The following KRTAP4-8 variants were observed in gnomAD, a reference collection of about 807,000 sequenced individuals.
KRTAP4-8 encodes the protein keratin associated protein 4-8, also known as keratin-associated protein 4-8.
For synonymous variants in KRTAP4-8, 66 were observed against 86.6 expected, an observed-to-expected ratio of 0.76 and a Z score of 1.32; for missense variants, 188 against 237.4, an observed-to-expected ratio of 0.79 and a Z score of 1.37.
Position 41,098,105 on chromosome 17 carries a change from C to A in KRTAP4-8, c.-21G>T, listed in dbSNP as rs924671164. 30 of 1,576,154 alleles carry A rather than the reference C, an allele frequency of 1.9e-5. No homozygotes were observed. The highest frequency in any genetic ancestry group is 2.5e-5 in the Non-Finnish European group (29 of 1,159,602). ...ACCATGGTGTCAGAGGGTGAAGGAT[C>A]TATTTGGGTTTCCAAGAGAGTAAAG... On this transcript the variant is annotated 5_prime_UTR_variant, in exon 1 of 1. Coordinates refer to ENST00000333822, the MANE Select transcript of KRTAP4-8 (RefSeq NM_031960.3).
At position 41,097,393 on chromosome 17, in the gene KRTAP4-8, G is replaced by T; in HGVS notation, c.*134C>A. Reference sequence around the variant, plus strand: ...TCACAGAGTCAGCGGGATGGTGATGGGCTCATTGGATACATGAGGTCCACC... The same window carrying T: ...TCACAGAGTCAGCGGGATGGTGATGTGCTCATTGGATACATGAGGTCCACC... On this transcript the variant is annotated 3_prime_UTR_variant, in exon 1 of 1. Transcript: ENST00000333822. 7.6e-7 allele frequency: 1 copy of T among 1,318,730 alleles called. No homozygotes were observed. Among genetic ancestry groups the T allele is most frequent in the Non-Finnish European group, 1.0e-6 (1 of 975,280 alleles). 81.7% of individuals were successfully genotyped at this position (1,318,730 alleles called of 1,614,324 possible).
chr17:41,097,500 A>G lies in KRTAP4-8; in HGVS notation c.*27T>C, dbSNP rs1475787594. The stretch of plus-strand genomic sequence containing the variant: ...GTCTACATTTGTGGACCAGCGGTGA[A>G]GGGAGAGATGAGCCAGGGCAGTGGG... On this transcript the variant is annotated 3_prime_UTR_variant, in exon 1 of 1. Coordinates refer to ENST00000333822, the MANE Select transcript of KRTAP4-8 (RefSeq NM_031960.3). The G allele has an allele frequency of 1.3e-6, 2 of 1,551,122 alleles. No individual in the cohort carries two copies. The highest frequency in any genetic ancestry group is 1.4e-5 in the African/African-American group (1 of 73,208).
In KRTAP4-8 at chr17:41,097,228, C is replaced by G. The variant is rs187119571; in HGVS notation, c.*299G>C. On this transcript the variant is annotated 3_prime_UTR_variant, in exon 1 of 1. Coordinates refer to ENST00000333822, the MANE Select transcript of KRTAP4-8 (RefSeq NM_031960.3). ...AATTGGGAAGGATATTCTGTAGGCT[C>G]AAAATGATTTTAAAAAATGAGGAAT... 149 of 532,072 alleles carry G rather than the reference C, an allele frequency of 2.8e-4. No homozygotes were observed. The highest frequency in any genetic ancestry group is 2.6e-3 in the African/African-American group (138 of 52,548). The allele number at this position is 532,072 out of a possible 1,614,324, so 33.0% of individuals were successfully genotyped here.
In KRTAP4-8 at chr17:41,098,008, C is replaced by T. The variant is rs1345062381; in HGVS notation, c.77G>A (p.Cys26Tyr). Residue 26 changes from cysteine to tyrosine, a missense_variant, in exon 1 of 1, where the codon TGC (cysteine) becomes TAC (tyrosine). Physicochemically the swap from Cys to Tyr is radical, Grantham distance 194 (BLOSUM62 -2). Coordinates refer to ENST00000333822, the MANE Select transcript of KRTAP4-8 (RefSeq NM_031960.3). ...GQDLCQETCC[C>Y]PSCCQTTCCR... is the part of the protein sequence containing the mutation. The stretch of plus-strand genomic sequence containing the variant: ...GCAGGTGGTCTGACAGCAGCTGGGG[C>T]AGCAGCAGGTCTCCTGGCAGAGGTC... 3 of 1,613,918 alleles carry T rather than the reference C, an allele frequency of 1.9e-6. No homozygotes were observed. In the African/African-American group the frequency reaches 4.0e-5, roughly 22 times the overall value.
chr17:41,097,634 G>T lies in KRTAP4-8; in HGVS notation c.451C>A (p.Leu151Met), dbSNP rs78550130. 4 of 1,557,280 alleles carry T rather than the reference G, an allele frequency of 2.6e-6. No individual in the cohort carries two copies. Among genetic ancestry groups the T allele is most frequent in the Non-Finnish European group, 1.7e-6 (2 of 1,155,806 alleles). Residue 151 changes from leucine (L) to methionine (M), a missense_variant, in exon 1 of 1, where the codon CTG (leucine) becomes ATG (methionine). By Grantham distance (15) the Leu-to-Met change is conservative. Coordinates refer to ENST00000333822, the MANE Select transcript of KRTAP4-8 (RefSeq NM_031960.3). ...GAGACTCGGCCACAGACTGGACGCAGGCAGCAGCAGGGGCGGCAGCAGCTG... is the reference window on the plus strand; with the variant it reads ...GAGACTCGGCCACAGACTGGACGCATGCAGCAGCAGGGGCGGCAGCAGCTG... ...ESSCCRPCCC[L>M]RPVCGRVSCH...
Position 41,097,990 on chromosome 17 carries a change from G to A in KRTAP4-8, c.95C>T (p.Thr32Ile). The A allele has an allele frequency of 6.2e-7, 1 of 1,613,978 alleles. No individual in the cohort carries two copies. The highest frequency in any genetic ancestry group is 8.5e-7 in the Non-Finnish European group (1 of 1,179,880). ...GTAGCAGGTGGTCCTGCAGCAGGTG[G>A]TCTGACAGCAGCTGGGGCAGCAGCA... The part of the protein sequence containing the change: ...ETCCCPSCCQ[T>I]TCCRTTCYRP... Residue 32 changes from threonine (T) to isoleucine (I), a missense_variant, in exon 1 of 1, where the codon ACC becomes ATC. By Grantham distance (89) the Thr-to-Ile change is moderately conservative. Transcript: ENST00000333822.
In KRTAP4-8 at chr17:41,097,649, G is replaced by A. The variant is rs750261657; in HGVS notation, c.436C>T (p.Arg146Cys). The change falls in exon 1 of 1, where the codon CGC becomes TGC. Residue 146 changes from arginine to cysteine, a missense_variant. Coordinates refer to ENST00000333822, the MANE Select transcript of KRTAP4-8 (RefSeq NM_031960.3). The stretch of plus-strand genomic sequence containing the variant: ...ACTGGACGCAGGCAGCAGCAGGGGC[G>A]GCAGCAGCTGGATTCACAGCAAGAG... ...RPSCCESSCC[R>C]PCCCLRPVCG... 1.1e-5 allele frequency: 17 copies of A among 1,587,764 alleles called. No homozygotes were observed. The South Asian group carries it at 1.1e-4, about 11-fold the overall frequency.
In KRTAP4-8 at chr17:41,098,138, G is replaced by C; in HGVS notation, c.-54C>G. On this transcript the variant is annotated 5_prime_UTR_variant, in exon 1 of 1. Coordinates refer to ENST00000333822, the MANE Select transcript of KRTAP4-8 (RefSeq NM_031960.3). ...GTTTCCAAGAGAGTAAAGTTCTTGA[G>C]TTTGGAAGTTTCCTGGGTCCATAGC... 1 of 1,521,216 alleles carries C rather than the reference G, an allele frequency of 6.6e-7. No homozygotes were observed. Among genetic ancestry groups the C allele is most frequent in the Non-Finnish European group, 8.8e-7 (1 of 1,131,200 alleles). The allele number at this position is 1,521,216 out of a possible 1,614,324, so 94.2% of individuals were successfully genotyped here. A position where few individuals can be genotyped will look rare whatever the true frequency, so the allele number is the denominator to read the frequency against.
Position 41,097,821 on chromosome 17 carries a change from G to T in KRTAP4-8, c.264C>A (p.Thr88=). The change falls in exon 1 of 1, where the codon ACC becomes ACA. Residue 88 remains threonine, a synonymous_variant. Transcript: ENST00000333822. ...AGATGCAGCAGCTAGGGTGGCAGCAGGTGGGCTGGCAGCACACAGACTGGC... is the reference window on the plus strand; with the variant it reads ...AGATGCAGCAGCTAGGGTGGCAGCATGTGGGCTGGCAGCACACAGACTGGC... The part of the protein sequence containing the change: ...QCCQSVCCQP[T]CCHPSCCISS... 1 of 1,603,980 alleles carries T rather than the reference G, an allele frequency of 6.2e-7. No homozygotes were observed. The highest frequency in any genetic ancestry group is 8.5e-7 in the Non-Finnish European group (1 of 1,175,224).
In KRTAP4-8 at chr17:41,097,996, C is replaced by G. The variant is rs760958029; in HGVS notation, c.89G>C (p.Cys30Ser). 1.9e-6 allele frequency: 3 copies of G among 1,613,924 alleles called. No individual in the cohort carries two copies. Among genetic ancestry groups the G allele is most frequent in the Non-Finnish European group, 2.5e-6 (3 of 1,179,972 alleles). The change falls in exon 1 of 1, where the codon TGT becomes TCT. Residue 30 changes from cysteine (C) to serine (S), a missense_variant. Transcript: ENST00000333822. ...CQETCCCPSC[C>S]QTTCCRTTCY... ...GGTGGTCCTGCAGCAGGTGGTCTGACAGCAGCTGGGGCAGCAGCAGGTCTC... is the reference window on the plus strand; with the variant it reads ...GGTGGTCCTGCAGCAGGTGGTCTGAGAGCAGCTGGGGCAGCAGCAGGTCTC...
rs1468324580 is a variant in KRTAP4-8 at position 41,097,852 on chromosome 17, T to C, written c.233A>G (p.Gln78Arg). 3 of 1,407,646 alleles carry C rather than the reference T, an allele frequency of 2.1e-6. No individual in the cohort carries two copies. Among genetic ancestry groups the C allele is most frequent in the African/African-American group, 2.0e-5 (1 of 50,932 alleles). 87.2% of individuals were successfully genotyped at this position (1,407,646 alleles called of 1,614,324 possible). A position where few individuals can be genotyped will look rare whatever the true frequency, so the allele number is the denominator to read the frequency against. Residue 78 changes from glutamine to arginine, a missense_variant, in exon 1 of 1, where the codon CAG becomes CGG. Physicochemically the swap from Gln to Arg is conservative, Grantham distance 43 (BLOSUM62 1). Transcript: ENST00000333822. ...CTGGCAGCACACAGACTGGCAGCACTGGGGCTTGCAGCAGCTGGACACACA... is the reference window on the plus strand; with the variant it reads ...CTGGCAGCACACAGACTGGCAGCACCGGGGCTTGCAGCAGCTGGACACACA... ...SCCVSSCCKP[Q>R]CCQSVCCQPT...
In KRTAP4-8 at chr17:41,097,435, A is replaced by G. The variant is rs1457229570; in HGVS notation, c.*92T>C. On this transcript the variant is annotated 3_prime_UTR_variant, in exon 1 of 1. Coordinates refer to ENST00000333822, the MANE Select transcript of KRTAP4-8 (RefSeq NM_031960.3). ...AGGTCCACCCTGCTGAATGACATAAATCCCACTCCATGTGTCCTAATATTC... is the reference window on the plus strand; with the variant it reads ...AGGTCCACCCTGCTGAATGACATAAGTCCCACTCCATGTGTCCTAATATTC... 4.7e-6 allele frequency: 7 copies of G among 1,483,414 alleles called. No homozygotes were observed. The highest frequency in any genetic ancestry group is 2.7e-5 in the South Asian group (2 of 73,048). 91.9% of individuals were successfully genotyped at this position (1,483,414 alleles called of 1,614,324 possible).
In KRTAP4-8 at chr17:41,097,692, G is replaced by A. The variant is rs908199007; in HGVS notation, c.393C>T (p.Ile131=). 3 of 1,585,388 alleles carry A rather than the reference G, an allele frequency of 1.9e-6. No homozygotes were observed. In the African/African-American group the frequency reaches 4.1e-5, roughly 21 times the overall value. The part of the protein sequence containing the change: ...QPNCCRPSCS[I]SSCCRPSCCE... ...AGCAAGAGGGGCGGCAGCAGCTGGA[G>A]ATGCTGCAGCTGGGGCGGCAGCAGT... is the stretch of plus-strand genomic sequence containing the variant. Residue 131 remains isoleucine, a synonymous_variant, in exon 1 of 1, where the codon ATC becomes ATT. Transcript: ENST00000333822.
In KRTAP4-8 at chr17:41,098,130, G is replaced by T; in HGVS notation, c.-46C>A. 3 of 1,535,946 alleles carry T rather than the reference G, an allele frequency of 2.0e-6. No homozygotes were observed. Among genetic ancestry groups the T allele is most frequent in the African/African-American group, 1.4e-5 (1 of 73,132 alleles). On this transcript the variant is annotated 5_prime_UTR_variant, in exon 1 of 1. Coordinates refer to ENST00000333822, the MANE Select transcript of KRTAP4-8 (RefSeq NM_031960.3). The stretch of plus-strand genomic sequence containing the variant: ...CTATTTGGGTTTCCAAGAGAGTAAA[G>T]TTCTTGAGTTTGGAAGTTTCCTGGG...
chr17:41,097,806 G>C lies in KRTAP4-8; in HGVS notation c.279C>G (p.Ser93Arg), dbSNP rs746215751. Residue 93 changes from serine (S) to arginine (R), a missense_variant, in exon 1 of 1, where the codon AGC becomes AGG. Coordinates refer to ENST00000333822, the MANE Select transcript of KRTAP4-8 (RefSeq NM_031960.3). ...VCCQPTCCHP[S>R]CCISSCCRPS... Reference sequence around the variant, plus strand: ...GGCGGCAGCAGCTGGAGATGCAGCAGCTAGGGTGGCAGCAGGTGGGCTGGC... The same window carrying C: ...GGCGGCAGCAGCTGGAGATGCAGCACCTAGGGTGGCAGCAGGTGGGCTGGC... 4.4e-6 allele frequency: 7 copies of C among 1,600,922 alleles called. No individual in the cohort carries two copies. The highest frequency in any genetic ancestry group is 5.1e-6 in the Non-Finnish European group (6 of 1,173,056).
At position 41,097,810 on chromosome 17, in the gene KRTAP4-8, G is replaced by A. The variant is rs550236938; in HGVS notation, c.275C>T (p.Pro92Leu). ...GCAGCAGCTGGAGATGCAGCAGCTA[G>A]GGTGGCAGCAGGTGGGCTGGCAGCA... is the stretch of plus-strand genomic sequence containing the variant. ...SVCCQPTCCH[P>L]SCCISSCCRP... Residue 92 changes from proline to leucine, a missense_variant, in exon 1 of 1, where the codon CCT (proline) becomes CTT (leucine). Physicochemically the swap from Pro to Leu is moderately conservative, Grantham distance 98. Coordinates refer to ENST00000333822, the MANE Select transcript of KRTAP4-8 (RefSeq NM_031960.3). 6 of 1,612,534 alleles carry A rather than the reference G, an allele frequency of 3.7e-6. No homozygotes were observed. In the African/African-American group the frequency reaches 6.7e-5, roughly 18 times the overall value.
rs781455158 is a variant in KRTAP4-8, at chr17:41,097,861, C to A, written c.224G>T (p.Cys75Phe). ...CACAGACTGGCAGCACTGGGGCTTG[C>A]AGCAGCTGGACACACAGCAGCTGGG... Reference protein sequence around the residue: ...CRPSCCVSSCCKPQCCQSVCC... With the variant: ...CRPSCCVSSCFKPQCCQSVCC... Residue 75 changes from cysteine to phenylalanine, a missense_variant, in exon 1 of 1, where the codon TGC (cysteine) becomes TTC (phenylalanine). Cys to Phe is a radical substitution (Grantham distance 205, BLOSUM62 -2). Coordinates refer to ENST00000333822, the MANE Select transcript of KRTAP4-8 (RefSeq NM_031960.3). 41 of 1,516,036 alleles carry A rather than the reference C, an allele frequency of 2.7e-5. No homozygotes were observed. The highest frequency in any genetic ancestry group is 3.4e-5 in the Non-Finnish European group (38 of 1,123,198). 93.9% of individuals were successfully genotyped at this position (1,516,036 alleles called of 1,614,324 possible).
In KRTAP4-8 at chr17:41,097,626, T is replaced by A; in HGVS notation, c.459A>T (p.Pro153=). 1.9e-6 allele frequency: 3 copies of A among 1,578,426 alleles called. No individual in the cohort carries two copies. Among genetic ancestry groups the A allele is most frequent in the Non-Finnish European group, 2.6e-6 (3 of 1,161,800 alleles). Reference sequence around the variant, plus strand: ...TGTGGCAGGAGACTCGGCCACAGACTGGACGCAGGCAGCAGCAGGGGCGGC... The same window carrying A: ...TGTGGCAGGAGACTCGGCCACAGACAGGACGCAGGCAGCAGCAGGGGCGGC... The part of the protein sequence containing the change: ...SCCRPCCCLR[P]VCGRVSCHTT... The change falls in exon 1 of 1, where the codon CCA becomes CCT. Residue 153 remains proline (P), a synonymous_variant. Transcript: ENST00000333822.
In KRTAP4-8 at chr17:41,097,720, G is replaced by T; in HGVS notation, c.365C>A (p.Pro122His). The change falls in exon 1 of 1, where the codon CCC becomes CAC. Residue 122 changes from proline to histidine, a missense_variant. Coordinates refer to ENST00000333822, the MANE Select transcript of KRTAP4-8 (RefSeq NM_031960.3). Reference protein sequence around the residue: ...PQCCQSVCCQPNCCRPSCSIS... With the variant: ...PQCCQSVCCQHNCCRPSCSIS... ...GCTGCAGCTGGGGCGGCAGCAGTTG[G>T]GCTGGCAGCACACAGACTGGCAGCA... is the stretch of plus-strand genomic sequence containing the variant. 6.7e-7 allele frequency: 1 copy of T among 1,493,200 alleles called. No homozygotes were observed. Among genetic ancestry groups the T allele is most frequent in the Non-Finnish European group, 9.2e-7 (1 of 1,089,286 alleles). 92.5% of individuals were successfully genotyped at this position (1,493,200 alleles called of 1,614,324 possible). A position where few individuals can be genotyped will look rare whatever the true frequency, so the allele number is the denominator to read the frequency against.
Sources: allele counts gnomAD v4.1 joint callset, GRCh38; gene constraint gnomAD v4.1.1; transcripts MANE v1.5; gene names NCBI Gene and HGNC (gene_info 2026-07-23, HGNC 2026-07-21).